Variants in SLC15A5 observed in about 807,000 individuals in gnomAD.
SLC15A5 encodes solute carrier family 15 member 5.
SLC15A5 carries 58 observed loss-of-function variants against 56.1 expected under a neutral mutation model. That is an observed-to-expected ratio of 1.03 (90% confidence interval 0.84 to 1.29). SLC15A5 has a LOEUF of 1.29. SLC15A5 is among the 50% of genes most tolerant of loss of function. SLC15A5 has a pLI of 0.00. For missense variants in SLC15A5, 681 were observed against 672.1 expected, an observed-to-expected ratio of 1.01 and a Z score of -0.15; for synonymous variants, 264 against 250.5, an observed-to-expected ratio of 1.05 and a Z score of -0.51.
chr12:16,218,493 G>A (rs1471948777), intron 6 of SLC15A5, among the ~76,000 whole-genome samples: 3 of 152,024 alleles, frequency 2.0e-5, no homozygotes, highest in Non-Finnish European at 2.9e-5. Context: ...TCGAGTATAC[G>A]TATACAAACC....
intron 8 of SLC15A5, among the ~76,000 whole-genome samples, chr12:16,192,725 G>T (rs956185561): frequency 2.6e-5 from 4 of 152,002 alleles, no homozygotes; most frequent in African/African-American, 9.7e-5. Context: ...CATGACTGCG[G>T]TCATCTTGGC....
intron 7 of SLC15A5, among the ~76,000 whole-genome samples, chr12:16,212,310 A>AT (rs1473946631): frequency 1.3e-5 from 2 of 152,112 alleles, no homozygotes; most frequent in East Asian, 3.9e-4. Context: ...GTGAAGTACA[A>AT]TTTCCTTTTT....
chr12:16,200,314 A>T (rs1863942232), intron 7 of SLC15A5, among the ~76,000 whole-genome samples: 1 of 151,906 alleles, frequency 6.6e-6, no homozygotes, highest in African/African-American at 2.4e-5. Context: ...GACATTGAAA[A>T]TTTTTTTATA....
intron 4 of SLC15A5, among the ~76,000 whole-genome samples, chr12:16,241,143 C>G (rs991609452): frequency 5.3e-5 from 8 of 152,098 alleles, no homozygotes; most frequent in Non-Finnish European, 1.2e-4. Context: ...CATAGTATTT[C>G]TTTAATTCCC....
intron 8 of SLC15A5, among the ~76,000 whole-genome samples, chr12:16,191,097 G>T (rs1485643984): frequency 6.6e-6 from 1 of 152,090 alleles, no homozygotes; most frequent in Admixed American, 6.6e-5. Flanking sequence ...CCTCGAGTAT[G>T]ACATGTCACT....
intron 6 of SLC15A5, 22 bp downstream of exon 6, chr12:16,224,392 A>G (rs192163584): frequency 1.3e-4 from 201 of 1,534,388 alleles, no homozygotes; most frequent in Middle Eastern, 5.0e-4. Flanking sequence ...TTCTAACATT[A>G]GTTGAAAAGG....
intron 7 of SLC15A5, among the ~76,000 whole-genome samples, chr12:16,202,667 C>T (rs1863969079): frequency 6.6e-6 from 1 of 152,092 alleles, no homozygotes; most frequent in Non-Finnish European, 1.5e-5. Context: ...AGGATACTCT[C>T]AGTTTGTTGC....
In SLC15A5 at chr12:16,269,049, C is replaced by G. The variant is rs1165891068; in HGVS notation, c.584+3512G>C. On this transcript the variant is annotated intron_variant, in intron 2 of 8. Coordinates refer to ENST00000344941, the MANE Select transcript of SLC15A5 (RefSeq NM_001170798.1). This position sits in a 1 kb window ranked among gnomAD's most constrained non-coding sequence, Gnocchi z 4.7. ...ATGTGAAGACACAGTGAGAAGCCAG[C>G]AGTCTTACAGCCAGGAAGAGAACCC... 6.6e-6 allele frequency among the ~76,000 whole-genome samples: 1 copy of G among 151,918 alleles called. No homozygotes were observed. Among genetic ancestry groups the G allele is most frequent in the Admixed American group, 6.6e-5 (1 of 15,232 alleles).
chr12:16,213,145 CTGTT>C (rs1361037114), intron 7 of SLC15A5, among the ~76,000 whole-genome samples: 1 of 151,984 alleles, frequency 6.6e-6, no homozygotes, highest in East Asian at 1.9e-4. Context: ...TGACGAGTTG[CTGTT>C]TGTTTAATGG....
At chr12:16,251,043 T>C (rs118041249) in intron 3 of SLC15A5, among the ~76,000 whole-genome samples, 32 of 151,986 alleles carry the variant, frequency 2.1e-4, no homozygotes, top group Admixed American at 5.3e-4. Flanking sequence ...AATATAATGC[T>C]CTAAAAATTG....
At position 16,205,584 on chromosome 12, in the gene SLC15A5, TATATATACATATAC is replaced by T. The variant is rs1310562121; in HGVS notation, c.1484-11145_1484-11132del. 6.3e-3 allele frequency among the ~76,000 whole-genome samples: 71 copies of T among 11,278 alleles called. 4 individuals are homozygous for T. In the East Asian group the frequency reaches 0.082, roughly 13 times the overall value. The allele number at this position is 11,278 out of a possible 152,430, so 7.4% of individuals were successfully genotyped here. A position where few individuals can be genotyped will look rare whatever the true frequency, so the allele number is the denominator to read the frequency against. On this transcript the variant is annotated intron_variant, in intron 7 of 8. Transcript: ENST00000344941. Reference sequence around the variant, plus strand: ...TTCCATAAGAAGGGAAAGGTGCATATATATATACATATACACACACACACACATATATATACACA... The same window carrying T: ...TTCCATAAGAAGGGAAAGGTGCATATACACACACACACATATATATACACA...
intron 7 of SLC15A5, among the ~76,000 whole-genome samples, chr12:16,203,128 T>G (rs1863978731): frequency 6.6e-6 from 1 of 152,164 alleles, no homozygotes; most frequent in Non-Finnish European, 1.5e-5. Context: ...ATTTTAAATG[T>G]TCTCATCACC....
intron 2 of SLC15A5, among the ~76,000 whole-genome samples, chr12:16,262,878 C>T (rs972650150): frequency 2.0e-5 from 3 of 152,152 alleles, no homozygotes; most frequent in Non-Finnish European, 4.4e-5. Context: ...TGACTTGCTC[C>T]GCCTTGCCTT....
rs1311590075 is a variant in SLC15A5 at position 16,239,871 on chromosome 12, T to G, written c.976-4A>C. 4 of 1,535,308 alleles carry G rather than the reference T, an allele frequency of 2.6e-6. No homozygotes were observed. Among genetic ancestry groups the G allele is most frequent in the Non-Finnish European group, 3.5e-6 (4 of 1,145,986 alleles). On this transcript the variant is annotated splice_region_variant and splice_polypyrimidine_tract_variant and intron_variant, in intron 4 of 8. Coordinates refer to ENST00000344941, the MANE Select transcript of SLC15A5 (RefSeq NM_001170798.1). ...GCAGATAATATCCTGAAGGAATCTG[T>G]ATTCGAGAGGGAAACATCCATGCAT...
At chr12:16,248,878 T>C (rs1864490793) in intron 3 of SLC15A5, among the ~76,000 whole-genome samples, 1 of 152,220 alleles carries the variant, frequency 6.6e-6, no homozygotes, top group South Asian at 2.1e-4. Context: ...CTGGTTTAAA[T>C]GTGCATGGCA....
intron 3 of SLC15A5, among the ~76,000 whole-genome samples, chr12:16,246,599 C>T (rs1864463843): frequency 1.3e-5 from 2 of 152,054 alleles, no homozygotes. Context: ...TAACTTTATG[C>T]TTTCAGATAG....
At chr12:16,219,305 C>T (rs1464413973) in intron 6 of SLC15A5, among the ~76,000 whole-genome samples, 1 of 152,108 alleles carries the variant, frequency 6.6e-6, no homozygotes, top group African/African-American at 2.4e-5. Flanking sequence ...CCAGCAGGAA[C>T]CTTGGAGTAT....
At chr12:16,222,317 A>G (rs1029724677) in intron 6 of SLC15A5, among the ~76,000 whole-genome samples, 7 of 151,860 alleles carry the variant, frequency 4.6e-5, no homozygotes, top group African/African-American at 1.7e-4. Context: ...CTTTAAGACC[A>G]TAGAGCCTAA....
At chr12:16,232,981 A>AGAGG (rs1049958593) in intron 5 of SLC15A5, among the ~76,000 whole-genome samples, 3 of 139,756 alleles carry the variant, frequency 2.1e-5, no homozygotes, top group East Asian at 2.5e-4. Context: ...AAGAAGAAAG[A>AGAGG]GAGGGAGGGA....
Sources: gnomAD v4.1 joint callset for allele counts (sites outside exome capture counted in the v4.1 genomes callset) on GRCh38, gnomAD v4.1.1 for gene constraint, Gnocchi (gnomAD v3.1) non-coding constraint, MANE v1.5 for transcripts, NCBI Gene and HGNC (gene_info 2026-07-23, HGNC 2026-07-21) for gene names.